Variants in TCF23 observed in about 807,000 individuals in gnomAD.
TCF23 encodes class A basic helix-loop-helix protein 24.
A neutral mutation model predicts 13.0 loss-of-function variants in TCF23; 7 were observed. That is an observed-to-expected ratio of 0.54 (90% CI 0.31 to 1.01). The LOEUF (loss-of-function observed/expected upper bound fraction) is 1.01. Among genes scored for constraint, TCF23 ranks in the 50% least tolerant of loss-of-function variants. The probability of loss-of-function intolerance (pLI) is 0.06; values close to 1 mark genes in which losing one functional copy is unlikely to be tolerated. For synonymous variants in TCF23, 122 were observed against 119.5 expected, an observed-to-expected ratio of 1.02 and a Z score of -0.14; for missense variants, 257 against 289.8, an observed-to-expected ratio of 0.89 and a Z score of 0.82.
In TCF23 at chr2:27,149,654, G is replaced by T. The variant is rs934987; in HGVS notation, c.222+299G>T. 3.7e-3 allele frequency: 2,286 copies of T among 614,878 alleles called. 20 individuals are homozygous for T. Among genetic ancestry groups the T allele is most frequent in the Non-Finnish European group, 6.0e-3 (1,909 of 320,662 alleles). The allele number at this position is 614,878 out of a possible 1,614,324, so 38.1% of individuals were successfully genotyped here. ...GAGCAGCAGCCAGTGGTAGGACTGG[G>T]ACTTCAGCCTGTGTGCTTTGACCCC... On this transcript the variant is annotated intron_variant, in intron 1 of 2. Coordinates refer to ENST00000296096, the MANE Select transcript of TCF23 (RefSeq NM_175769.3).
Position 27,153,008 on chromosome 2 carries a change from G to T in TCF23, c.*141G>T. On this transcript the variant is annotated 3_prime_UTR_variant, in exon 3 of 3. Transcript: ENST00000296096. ...AGCATGCAGACCAAGAGAAGCAGTAGCACTTCTGTGATGGACAGTACCTAG... is the reference window on the plus strand; with the variant it reads ...AGCATGCAGACCAAGAGAAGCAGTATCACTTCTGTGATGGACAGTACCTAG... The T allele has an allele frequency of 1.3e-6, 2 of 1,491,684 alleles. No homozygotes were observed. The highest frequency in any genetic ancestry group is 1.8e-6 in the Non-Finnish European group (2 of 1,124,906). 92.4% of individuals were successfully genotyped at this position (1,491,684 alleles called of 1,614,324 possible). A position where few individuals can be genotyped will look rare whatever the true frequency, so the allele number is the denominator to read the frequency against.
rs572197870 is a variant in TCF23 at position 27,153,491 on chromosome 2, G to T, written c.*624G>T. 8.3e-6 allele frequency: 1 copy of T among 121,066 alleles called. No individual in the cohort carries two copies. The highest frequency in any genetic ancestry group is 1.9e-5 in the Non-Finnish European group (1 of 52,742). 7.5% of individuals were successfully genotyped at this position (121,066 alleles called of 1,614,324 possible). ...ACCACTACATTTTCTCTCCCTCTCG[G>T]CTCCTGCACTCTTCCACTCTTTTCT... On this transcript the variant is annotated 3_prime_UTR_variant, in exon 3 of 3. Transcript: ENST00000296096.
rs752807433 is a variant in TCF23, at chr2:27,150,338, T to G, written c.438T>G (p.Arg146=). 1 of 1,613,524 alleles carries G rather than the reference T, an allele frequency of 6.2e-7. No homozygotes were observed. Among genetic ancestry groups the G allele is most frequent in the Admixed American group, 1.7e-5 (1 of 60,010 alleles). Residue 146 remains arginine (R), a synonymous_variant, in exon 2 of 3, where the codon CGT becomes CGG. Coordinates refer to ENST00000296096, the MANE Select transcript of TCF23 (RefSeq NM_175769.3). This position sits in a 1 kb window ranked among gnomAD's most constrained non-coding sequence, Gnocchi z 4.1. ...LPGPAWPPFL[R]GLRYLHPLKK... is the part of the protein sequence containing the mutation. Reference sequence around the variant, plus strand: ...GCCCTGCCTGGCCGCCCTTCCTGCGTGGACTCCGCTACTTGCACCCTCTCA... The same window carrying G: ...GCCCTGCCTGGCCGCCCTTCCTGCGGGGACTCCGCTACTTGCACCCTCTCA...
intron 2 of TCF23, 62 bp from the exon 3 acceptor site, chr2:27,152,626 G>C: frequency 1.3e-6 from 2 of 1,567,766 alleles, no homozygotes; most frequent in Non-Finnish European, 1.7e-6. Context: ...GGGTGTCAAG[G>C]ATCCTGGACC....
rs1041406769 is a variant in TCF23, at chr2:27,150,592, G to A, written c.465+227G>A. ...GAGTGTGGCTGGAAATGGCTTCATG[G>A]GAATGCACCTCCTTGAAGAGGAGGG... On this transcript the variant is annotated intron_variant, in intron 2 of 2. Coordinates refer to ENST00000296096, the MANE Select transcript of TCF23 (RefSeq NM_175769.3). The surrounding 1 kb of genome is among the most constrained non-coding windows in gnomAD (Gnocchi z 4.1). 6.6e-6 allele frequency among the ~76,000 whole-genome samples: 1 copy of A among 152,118 alleles called. No homozygotes were observed. The highest frequency in any genetic ancestry group is 1.9e-4 in the East Asian group (1 of 5,194).
At position 27,150,496 on chromosome 2, in the gene TCF23, C is replaced by A. The variant is rs1405825011; in HGVS notation, c.465+131C>A. ...GCAGAACTGACGTCGGAGCCAATTTCTCCTGCTGTCTCAGAGGGAGAGGAG... is the reference window on the plus strand; with the variant it reads ...GCAGAACTGACGTCGGAGCCAATTTATCCTGCTGTCTCAGAGGGAGAGGAG... On this transcript the variant is annotated intron_variant, in intron 2 of 2. Coordinates refer to ENST00000296096, the MANE Select transcript of TCF23 (RefSeq NM_175769.3). This position sits in a 1 kb window ranked among gnomAD's most constrained non-coding sequence, Gnocchi z 4.1. 2.7e-6 allele frequency: 4 copies of A among 1,460,656 alleles called. No homozygotes were observed. In the East Asian group the frequency reaches 6.9e-5, roughly 25 times the overall value. 90.5% of individuals were successfully genotyped at this position (1,460,656 alleles called of 1,614,324 possible). A position where few individuals can be genotyped will look rare whatever the true frequency, so the allele number is the denominator to read the frequency against.
chr2:27,153,835 G>A lies in TCF23; in HGVS notation c.*968G>A, dbSNP rs1672799688. ...TAATTGAACCAAGCAGCAACTTATG[G>A]CCTTAAATATGAAGGATATTGACAG... is the stretch of plus-strand genomic sequence containing the variant. On this transcript the variant is annotated 3_prime_UTR_variant, in exon 3 of 3. Transcript: ENST00000296096. The A allele has an allele frequency of 6.6e-6, 1 of 152,208 alleles. No individual in the cohort carries two copies. The highest frequency in any genetic ancestry group is 6.5e-5 in the Admixed American group (1 of 15,268). The allele number at this position is 152,208 out of a possible 1,614,324, so 9.4% of individuals were successfully genotyped here. A position where few individuals can be genotyped will look rare whatever the true frequency, so the allele number is the denominator to read the frequency against.
At position 27,149,027 on chromosome 2, in the gene TCF23, T is replaced by G; in HGVS notation, c.-107T>G. 13 of 1,077,640 alleles carry G rather than the reference T, an allele frequency of 1.2e-5. No homozygotes were observed. Among genetic ancestry groups the G allele is most frequent in the Non-Finnish European group, 1.6e-5 (12 of 749,906 alleles). 66.8% of individuals were successfully genotyped at this position (1,077,640 alleles called of 1,614,324 possible). A position where few individuals can be genotyped will look rare whatever the true frequency, so the allele number is the denominator to read the frequency against. The stretch of plus-strand genomic sequence containing the variant: ...CTGAGTTGGCGCCAGCTTCCTCGGA[T>G]GTAGATATTGCTGGCTGGATGACCA... On this transcript the variant is annotated 5_prime_UTR_variant, in exon 1 of 3. It removes an upstream start codon present in the reference 5' UTR. Transcript: ENST00000296096.
chr2:27,151,763 G>A (rs1421750398), intron 2 of TCF23, among the ~76,000 whole-genome samples: 3 of 151,318 alleles, frequency 2.0e-5, no homozygotes, highest in Non-Finnish European at 4.4e-5. Flanking sequence ...AGCTTCCCCA[G>A]TAGCTGGGAC....
Position 27,155,755 on chromosome 2 carries a change from G to T in TCF23, c.*2888G>T, listed in dbSNP as rs1176591774. The T allele has an allele frequency of 6.7e-6, 1 of 149,474 alleles. No individual in the cohort carries two copies. The highest frequency in any genetic ancestry group is 6.7e-5 in the Admixed American group (1 of 15,016). 9.3% of individuals were successfully genotyped at this position (149,474 alleles called of 1,614,324 possible). A position where few individuals can be genotyped will look rare whatever the true frequency, so the allele number is the denominator to read the frequency against. On this transcript the variant is annotated 3_prime_UTR_variant, in exon 3 of 3. Transcript: ENST00000296096. ...CCCATCTCGGGAAAAAAAAATGAAA[G>T]AAAAAAAAAGAAAAGAAAAGAAATA...
Position 27,154,623 on chromosome 2 carries a change from G to T in TCF23, c.*1756G>T, listed in dbSNP as rs1240254428. 1 of 152,384 alleles carries T rather than the reference G, an allele frequency of 6.6e-6. No homozygotes were observed. The highest frequency in any genetic ancestry group is 2.4e-5 in the African/African-American group (1 of 41,456). 9.4% of individuals were successfully genotyped at this position (152,384 alleles called of 1,614,324 possible). On this transcript the variant is annotated 3_prime_UTR_variant, in exon 3 of 3. Transcript: ENST00000296096. ...ATGGGAGCCATGGGGAGAAGGCCTCGGCCAAGGCTGAACTCGTAAATCTGC... is the reference window on the plus strand; with the variant it reads ...ATGGGAGCCATGGGGAGAAGGCCTCTGCCAAGGCTGAACTCGTAAATCTGC...
intron 2 of TCF23, among the ~76,000 whole-genome samples, chr2:27,151,586 G>C (rs560318226): frequency 1.3e-5 from 2 of 151,888 alleles, no homozygotes; most frequent in Non-Finnish European, 2.9e-5. Context: ...CACCCACTAC[G>C]GCCTCCCAAA....
Position 27,152,921 on chromosome 2 carries a change from T to C in TCF23, c.*54T>C. ...TGTGACTCATGCTTATGGGCCTGGA[T>C]TTTCTACCAGCCCCCAGATTCTCAG... On this transcript the variant is annotated 3_prime_UTR_variant, in exon 3 of 3. Coordinates refer to ENST00000296096, the MANE Select transcript of TCF23 (RefSeq NM_175769.3). 1 of 1,559,832 alleles carries C rather than the reference T, an allele frequency of 6.4e-7. No individual in the cohort carries two copies. Among genetic ancestry groups the C allele is most frequent in the East Asian group, 2.3e-5 (1 of 44,220 alleles).
Position 27,149,320 on chromosome 2 carries a change from C to A in TCF23, c.187C>A (p.Arg63=), listed in dbSNP as rs371126546. The change falls in exon 1 of 3, where the codon CGA becomes AGA. Residue 63 remains arginine, a synonymous_variant. Coordinates refer to ENST00000296096, the MANE Select transcript of TCF23 (RefSeq NM_175769.3). ...ATGGAGCAGAGCTACCCCTGGCCCTCGAGGGACCAGGGCTGGGGGCCTGGC... is the reference window on the plus strand; with the variant it reads ...ATGGAGCAGAGCTACCCCTGGCCCTAGAGGGACCAGGGCTGGGGGCCTGGC... The part of the protein sequence containing the change: ...QRWSRATPGP[R]GTRAGGLALG... The A allele has an allele frequency of 1.3e-6, 2 of 1,591,732 alleles. No homozygotes were observed. Among genetic ancestry groups the A allele is most frequent in the South Asian group, 1.1e-5 (1 of 87,206 alleles).
Position 27,150,047 on chromosome 2 carries a change from T to C in TCF23, c.223-76T>C. On this transcript the variant is annotated intron_variant, in intron 1 of 2. Coordinates refer to ENST00000296096, the MANE Select transcript of TCF23 (RefSeq NM_175769.3). The surrounding 1 kb of genome is among the most constrained non-coding windows in gnomAD (Gnocchi z 4.1). ...CACCCTTCTACTCTGGTGGGAGACC[T>C]TGTGCTCAAACGCTCTCAGAAGTCA... 1 of 1,545,804 alleles carries C rather than the reference T, an allele frequency of 6.5e-7. No homozygotes were observed. Among genetic ancestry groups the C allele is most frequent in the Non-Finnish European group, 8.7e-7 (1 of 1,148,696 alleles).
chr2:27,151,738 G>A (rs778938229), intron 2 of TCF23, among the ~76,000 whole-genome samples: 16 of 151,694 alleles, frequency 1.1e-4, no homozygotes, highest in African/African-American at 1.5e-4. Context: ...TGGGCTCAAG[G>A]AATCCTCCCA....
In TCF23 at chr2:27,150,496, C is replaced by G; in HGVS notation, c.465+131C>G. 6.8e-7 allele frequency: 1 copy of G among 1,460,656 alleles called. No homozygotes were observed. The highest frequency in any genetic ancestry group is 9.3e-7 in the Non-Finnish European group (1 of 1,080,948). The allele number at this position is 1,460,656 out of a possible 1,614,324, so 90.5% of individuals were successfully genotyped here. A position where few individuals can be genotyped will look rare whatever the true frequency, so the allele number is the denominator to read the frequency against. On this transcript the variant is annotated intron_variant, in intron 2 of 2. Coordinates refer to ENST00000296096, the MANE Select transcript of TCF23 (RefSeq NM_175769.3). This position sits in a 1 kb window ranked among gnomAD's most constrained non-coding sequence, Gnocchi z 4.1. ...GCAGAACTGACGTCGGAGCCAATTT[C>G]TCCTGCTGTCTCAGAGGGAGAGGAG...
At position 27,153,019 on chromosome 2, in the gene TCF23, A is replaced by G. The variant is rs1672784104; in HGVS notation, c.*152A>G. On this transcript the variant is annotated 3_prime_UTR_variant, in exon 3 of 3. Coordinates refer to ENST00000296096, the MANE Select transcript of TCF23 (RefSeq NM_175769.3). ...CAAGAGAAGCAGTAGCACTTCTGTG[A>G]TGGACAGTACCTAGAGGGGCACAGG... 1.4e-5 allele frequency: 21 copies of G among 1,473,322 alleles called. No homozygotes were observed. Among genetic ancestry groups the G allele is most frequent in the Non-Finnish European group, 1.6e-5 (18 of 1,116,434 alleles). 91.3% of individuals were successfully genotyped at this position (1,473,322 alleles called of 1,614,324 possible).
At position 27,150,316 on chromosome 2, in the gene TCF23, C is replaced by A; in HGVS notation, c.416C>A (p.Pro139His). The change falls in exon 2 of 3, where the codon CCT becomes CAT. Residue 139 changes from proline to histidine, a missense_variant. Physicochemically the swap from Pro to His is moderately conservative, Grantham distance 77. Coordinates refer to ENST00000296096, the MANE Select transcript of TCF23 (RefSeq NM_175769.3). This position sits in a 1 kb window ranked among gnomAD's most constrained non-coding sequence, Gnocchi z 4.1. ...ACACTCGGCCACGAGTTGCCTGGCC[C>A]TGCCTGGCCGCCCTTCCTGCGTGGA... ...TRTLGHELPG[P>H]AWPPFLRGLR... 1 of 1,613,762 alleles carries A rather than the reference C, an allele frequency of 6.2e-7. No individual in the cohort carries two copies. The highest frequency in any genetic ancestry group is 1.1e-5 in the South Asian group (1 of 91,068).
Sources: gnomAD v4.1 joint callset for allele counts (sites outside exome capture counted in the v4.1 genomes callset) on GRCh38, gnomAD v4.1.1 for gene constraint, Gnocchi (gnomAD v3.1) non-coding constraint, MANE v1.5 for transcripts, NCBI Gene and HGNC (gene_info 2026-07-23, HGNC 2026-07-21) for gene names.